The following CALU variants were observed in gnomAD, a reference collection of about 807,000 sequenced individuals.
CALU encodes calumenin, also known as IEF SSP 9302.
Under a neutral mutation model 37.5 loss-of-function variants are expected in CALU, and 13 were observed. That is an observed-to-expected ratio of 0.35 (90% CI 0.23 to 0.55). CALU has a LOEUF of 0.55. Ranked by LOEUF, CALU falls within the 20% of genes least tolerant of loss-of-function variation. The pLI is 0.89. For synonymous variants in CALU, 114 were observed against 133.8 expected (o/e 0.85, Z 1.02); for missense variants, 282 against 391.7 (o/e 0.72, Z 2.36).
At chr7:128,760,935 A>G (rs1314794488) in intron 5 of CALU, among the ~76,000 whole-genome samples, 7 of 152,158 alleles carry the variant, frequency 4.6e-5, no homozygotes, top group African/African-American at 4.8e-5. Context: ...AAAGAGTTGC[A>G]GGGAGCCCAG....
rs372680764 is a variant in CALU, at chr7:128,767,667, G to A, written c.843+12G>A. On this transcript the variant is annotated intron_variant, in intron 6 of 6. Transcript: ENST00000249364. ...CAGACCAAAACAAGGTAAGTCTGGC[G>A]AGGCCCACACGCTCTATCCTTGATT... 4.4e-6 allele frequency: 7 copies of A among 1,608,504 alleles called. No individual in the cohort carries two copies. Among genetic ancestry groups the A allele is most frequent in the East Asian group, 2.2e-5 (1 of 44,854 alleles).
At position 128,741,070 on chromosome 7, in the gene CALU, A is replaced by G. The variant is rs377114954; in HGVS notation, c.-12+1638A>G. 2.6e-4 allele frequency among the ~76,000 whole-genome samples: 39 copies of G among 152,342 alleles called. 1 individual carries two copies. The East Asian group carries it at 6.9e-3, about 27-fold the overall frequency. ...AACACAGATTTTCTGTAACGTAGGT[A>G]TACCAGGGATATTGAAAGGACAGAG... On this transcript the variant is annotated intron_variant, in intron 1 of 6. Transcript: ENST00000249364.
intron 1 of CALU, among the ~76,000 whole-genome samples, chr7:128,741,827 CTT>C (rs1435424806): frequency 3.9e-5 from 6 of 152,164 alleles, no homozygotes; most frequent in Non-Finnish European, 7.4e-5. Context: ...GAAAAGGAAA[CTT>C]TTTTCTCTCA....
chr7:128,746,199 T>C (rs1282808385), intron 1 of CALU, among the ~76,000 whole-genome samples: 1 of 152,012 alleles, frequency 6.6e-6, no homozygotes, highest in Non-Finnish European at 1.5e-5. Flanking sequence ...GGTCTCGCTC[T>C]GTCACTGAAG....
At chr7:128,752,887 G>A (rs1484562203) in intron 2 of CALU, among the ~76,000 whole-genome samples, 2 of 152,194 alleles carry the variant, frequency 1.3e-5, no homozygotes, top group Admixed American at 1.3e-4. Flanking sequence ...GTTTCACCAT[G>A]TTGGCCAGGC....
chr7:128,766,480 G>A (rs1232045370), intron 5 of CALU, among the ~76,000 whole-genome samples: 2 of 136,664 alleles, frequency 1.5e-5, no homozygotes, highest in African/African-American at 5.5e-5. Context: ...CCAGGCTAGA[G>A]TGCAGTGATA....
chr7:128,759,756 C>T, intron 4 of CALU, 36 bp from the exon 5 acceptor site: 1 of 1,012,792 alleles, frequency 9.9e-7, no homozygotes, highest in Non-Finnish European at 1.6e-6. Flanking sequence ...ATTCAGAGAC[C>T]AACTTAATAG....
intron 5 of CALU, among the ~76,000 whole-genome samples, chr7:128,762,566 C>G (rs1355776035): frequency 6.8e-6 from 1 of 147,662 alleles, no homozygotes; most frequent in Non-Finnish European, 1.5e-5. Flanking sequence ...CCTGTGGAAA[C>G]ATAGGGAAAG....
intron 3 of CALU, among the ~76,000 whole-genome samples, chr7:128,758,109 C>T (rs931456017): frequency 2.6e-5 from 4 of 152,030 alleles, no homozygotes; most frequent in African/African-American, 4.8e-5. Context: ...GCCATTCCCC[C>T]GTCCCTAGGC....
chr7:128,768,074 G>T (rs1801403237), intron 6 of CALU, among the ~76,000 whole-genome samples: 1 of 151,968 alleles, frequency 6.6e-6, no homozygotes, highest in South Asian at 2.1e-4. Flanking sequence ...CCTTTGTATG[G>T]GCTATAAATC....
At position 128,748,624 on chromosome 7, in the gene CALU, C is replaced by T. The variant is rs755786884; in HGVS notation, c.41C>T (p.Thr14Ile). The part of the protein sequence containing the change: ...RQFLMCLSLC[T>I]AFALSKPTEK... ...TTTCTTATGTGCCTGTCCCTGTGCA[C>T]AGCCTTTGCCTTGAGCAAACCCACA... Residue 14 changes from threonine (T) to isoleucine (I), a missense_variant, in exon 2 of 7, where the codon ACA becomes ATA. By Grantham distance (89) the Thr-to-Ile change is moderately conservative. Transcript: ENST00000249364. 7 of 1,613,986 alleles carry T rather than the reference C, an allele frequency of 4.3e-6. No individual in the cohort carries two copies. Among genetic ancestry groups the T allele is most frequent in the African/African-American group, 1.3e-5 (1 of 74,930 alleles).
At chr7:128,748,232 G>C in intron 1 of CALU, 1 of 648,020 alleles carries the variant, frequency 1.5e-6, no homozygotes, top group Non-Finnish European at 2.6e-6. Context: ...TTTAAACCTT[G>C]GTTCTTTCAC....
chr7:128,739,793 AGGGCATTT>A (rs1327947851), intron 1 of CALU, among the ~76,000 whole-genome samples: 2 of 152,118 alleles, frequency 1.3e-5, no homozygotes, highest in East Asian at 3.9e-4. Flanking sequence ...GGAAGGTCGG[AGGGCATTT>A]GGATAGTGTT....
At chr7:128,755,021 A>T (rs1394631411) in intron 3 of CALU, among the ~76,000 whole-genome samples, 1 of 151,932 alleles carries the variant, frequency 6.6e-6, no homozygotes, top group Non-Finnish European at 1.5e-5. Context: ...TTAAAAGAAT[A>T]CATTGGGCTG....
intron 2 of CALU, among the ~76,000 whole-genome samples, chr7:128,752,479 C>G (rs1800713260): frequency 6.6e-6 from 1 of 152,052 alleles, no homozygotes; most frequent in African/African-American, 2.4e-5. Context: ...TGCCCTTTTT[C>G]CTTGCCCTTT....
rs148909744 is a variant in CALU, at chr7:128,766,749, G to A, written c.644-707G>A. On this transcript the variant is annotated intron_variant, in intron 5 of 6. Transcript: ENST00000249364. ...TGGAATTACAGGTGTGAGCCACCAC[G>A]CCCATCCAGACACTAGTATTTCTAA... 3.6e-3 allele frequency among the ~76,000 whole-genome samples: 548 copies of A among 152,134 alleles called. 4 individuals carry two copies. Among genetic ancestry groups the A allele is most frequent in the African/African-American group, 0.013 (528 of 41,514 alleles).
At chr7:128,768,733 G>A (rs1801425891) in intron 6 of CALU, among the ~76,000 whole-genome samples, 1 of 151,390 alleles carries the variant, frequency 6.6e-6, no homozygotes, top group South Asian at 2.1e-4. Flanking sequence ...AGCTACTCGG[G>A]AGGCTGAGGC....
At chr7:128,742,334 T>C (rs927652021) in intron 1 of CALU, among the ~76,000 whole-genome samples, 2 of 152,226 alleles carry the variant, frequency 1.3e-5, no homozygotes, top group African/African-American at 4.8e-5. Context: ...CTGCTTTTGC[T>C]GCGTTATGGA....
At chr7:128,751,278 C>T (rs1023997731) in intron 2 of CALU, among the ~76,000 whole-genome samples, 16 of 135,452 alleles carry the variant, frequency 1.2e-4, no homozygotes, top group African/African-American at 4.7e-4. Context: ...CAAAGTGAGA[C>T]TCCGTCTCAA....
Sources: allele counts gnomAD v4.1 joint callset (sites outside exome capture counted in the v4.1 genomes callset), GRCh38; gene constraint gnomAD v4.1.1; transcripts MANE v1.5; gene names NCBI Gene and HGNC (gene_info 2026-07-23, HGNC 2026-07-21).